PIK3C2A: variants seen among roughly 807,000 people sequenced by gnomAD.
The protein encoded by PIK3C2A is phosphatidylinositol-4-phosphate 3-kinase catalytic subunit type 2 alpha.
Under a neutral mutation model 204.5 loss-of-function variants are expected in PIK3C2A, and 97 were observed. The observed-to-expected ratio is 0.47, with a 90% CI of 0.40 to 0.56. PIK3C2A has a LOEUF of 0.56. Ranked by LOEUF, PIK3C2A falls within the 20% of genes least tolerant of loss-of-function variation. The pLI is 0.00. For synonymous variants in PIK3C2A, 653 were observed against 664.4 expected (o/e 0.98, Z 0.26); for missense variants, 1,735 against 1,969.2 (o/e 0.88, Z 2.25).
At chr11:17,103,508 T>C (rs1283255711) in intron 23 of PIK3C2A, among the ~76,000 whole-genome samples, 3 of 152,204 alleles carry the variant, frequency 2.0e-5, no homozygotes. Context: ...CTTGCCCATG[T>C]AGTTAATTTT....
chr11:17,126,136 CAAAAACAAAAAA>C (rs1849514015), intron 13 of PIK3C2A, among the ~76,000 whole-genome samples: 1 of 151,856 alleles, frequency 6.6e-6, no homozygotes, highest in Admixed American at 6.6e-5. Flanking sequence ...AAAACAAAAA[CAAAAACAAAAAA>C]AACTTTGCCA....
intron 1 of PIK3C2A, among the ~76,000 whole-genome samples, chr11:17,192,381 ACT>A (rs1851975546): frequency 6.6e-6 from 1 of 152,060 alleles, no homozygotes; most frequent in Non-Finnish European, 1.5e-5. Flanking sequence ...ATTTTATACA[ACT>A]CTTTTAACAT....
chr11:17,187,045 TC>T (rs1159690086), intron 1 of PIK3C2A, among the ~76,000 whole-genome samples: 1 of 152,038 alleles, frequency 6.6e-6, no homozygotes, highest in African/African-American at 2.4e-5. Context: ...GCAGATCCTG[TC>T]TCAAAAAAAA....
chr11:17,151,693 G>A (rs1850432171), intron 3 of PIK3C2A, among the ~76,000 whole-genome samples: 1 of 152,036 alleles, frequency 6.6e-6, no homozygotes, highest in Non-Finnish European at 1.5e-5. Flanking sequence ...TACCTGATAG[G>A]GTTGTTGTGA....
At position 17,150,627 on chromosome 11, in the gene PIK3C2A, G is replaced by T; in HGVS notation, c.1198C>A (p.His400Asn). ...KLKTKFPYTN[H>N]RTNPGYLLSP... ...AACAAATAGCCTGGGTTTGTGCGGTGATTGGTATATGGAAATTTGGTCTTC... is the reference window on the plus strand; with the variant it reads ...AACAAATAGCCTGGGTTTGTGCGGTTATTGGTATATGGAAATTTGGTCTTC... Residue 400 changes from histidine to asparagine, a missense_variant, in exon 4 of 33, where the codon CAC (histidine) becomes AAC (asparagine). Physicochemically the swap from His to Asn is moderately conservative, Grantham distance 68 (BLOSUM62 1). Around this residue, in one of 6 missense-constraint regions of PIK3C2A, gnomAD observed 536 missense variants for 546.7 expected, o/e 0.98. Coordinates refer to ENST00000691414, the MANE Select transcript of PIK3C2A (RefSeq NM_002645.4). The T allele has an allele frequency of 6.2e-7, 1 of 1,603,394 alleles. No individual in the cohort carries two copies. Among genetic ancestry groups the T allele is most frequent in the Non-Finnish European group, 8.5e-7 (1 of 1,176,032 alleles).
At chr11:17,135,677 A>ATGTGTGTG (rs35017690) in intron 9 of PIK3C2A, among the ~76,000 whole-genome samples, 27 of 147,392 alleles carry the variant, frequency 1.8e-4, no homozygotes, top group African/African-American at 6.6e-4. Flanking sequence ...AATTTCATAT[A>ATGTGTGTG]TGTGTGTGTG....
At chr11:17,102,232 C>T (rs1013295750) in intron 24 of PIK3C2A, among the ~76,000 whole-genome samples, 5 of 152,004 alleles carry the variant, frequency 3.3e-5, no homozygotes, top group East Asian at 1.9e-4. Flanking sequence ...GTCAGGAGAT[C>T]GAGACCATCC....
chr11:17,184,223 A>T (rs1256115823), intron 1 of PIK3C2A, among the ~76,000 whole-genome samples: 1 of 34,844 alleles, frequency 2.9e-5, no homozygotes, highest in African/African-American at 7.7e-5. Context: ...CTTCTACTTT[A>T]AAAAAAAAAA....
intron 27 of PIK3C2A, among the ~76,000 whole-genome samples, chr11:17,095,209 T>C (rs55881159): frequency 2.0e-5 from 3 of 151,972 alleles, no homozygotes; most frequent in Admixed American, 1.3e-4. Context: ...GTGAGCCAAA[T>C]GAGCCAACAC....
At chr11:17,181,340 C>A (rs1851544147) in intron 1 of PIK3C2A, among the ~76,000 whole-genome samples, 1 of 112,460 alleles carries the variant, frequency 8.9e-6, no homozygotes, top group African/African-American at 3.5e-5. Flanking sequence ...AGTCACCAAT[C>A]ATCTGATTTT....
intron 9 of PIK3C2A, 40 bp downstream of exon 9, chr11:17,136,442 A>G: frequency 3.4e-6 from 5 of 1,480,406 alleles, no homozygotes; most frequent in Non-Finnish European, 4.7e-6. Flanking sequence ...TTAAGTACAT[A>G]TTTGCATGTA....
At chr11:17,143,879 G>T (rs1450564729) in intron 8 of PIK3C2A, among the ~76,000 whole-genome samples, 3 of 152,148 alleles carry the variant, frequency 2.0e-5, no homozygotes, top group Admixed American at 6.5e-5. Flanking sequence ...AGAGATTACA[G>T]TGAACCAAGA....
chr11:17,146,253 C>T (rs546636731), intron 6 of PIK3C2A, among the ~76,000 whole-genome samples: 1 of 152,190 alleles, frequency 6.6e-6, no homozygotes, highest in African/African-American at 2.4e-5. Context: ...GCTAAAAACA[C>T]TAAAGATGGC....
chr11:17,119,027 C>T (rs540631740), intron 17 of PIK3C2A, among the ~76,000 whole-genome samples, 193 bp downstream of exon 17: 1 of 152,268 alleles, frequency 6.6e-6, no homozygotes, highest in African/African-American at 2.4e-5. Context: ...ATACAGGTGC[C>T]TATATACAAT....
chr11:17,139,749 C>A (rs543857973), intron 8 of PIK3C2A, among the ~76,000 whole-genome samples: 1 of 152,296 alleles, frequency 6.6e-6, no homozygotes, highest in Non-Finnish European at 1.5e-5. Context: ...CCTATTGAAA[C>A]CTTAACCACA....
rs1183407937 is a variant in PIK3C2A at position 17,201,532 on chromosome 11, AAAAAAAAAAAAGAAAAAAG to A, written c.-66+6297_-66+6315del. 2.4e-3 allele frequency among the ~76,000 whole-genome samples: 160 copies of A among 66,922 alleles called. 1 individual carries two copies. The highest frequency in any genetic ancestry group is 4.2e-3 in the South Asian group (8 of 1,916). The allele number at this position is 66,922 out of a possible 152,430, so 43.9% of individuals were successfully genotyped here. A position where few individuals can be genotyped will look rare whatever the true frequency, so the allele number is the denominator to read the frequency against. Reference sequence around the variant, plus strand: ...AAGAACGTGACTCCGTCTCAAAAAAAAAAAAAAAAAAGAAAAAAGAAAAAAAAAAAGAAAAGCTTTCCCT... The same window carrying A: ...AAGAACGTGACTCCGTCTCAAAAAAAAAAAAAAAAAAGAAAAGCTTTCCCT... On this transcript the variant is annotated intron_variant, in intron 1 of 32. Transcript: ENST00000691414.
At chr11:17,121,610 TC>T (rs1002212489) in intron 15 of PIK3C2A, among the ~76,000 whole-genome samples, 1 of 152,222 alleles carries the variant, frequency 6.6e-6, no homozygotes, top group Non-Finnish European at 1.5e-5. Flanking sequence ...ATAGTATAAT[TC>T]CCATTTTATG....
intron 2 of PIK3C2A, among the ~76,000 whole-genome samples, chr11:17,161,013 A>G (rs777068721): frequency 1.3e-5 from 2 of 152,198 alleles, no homozygotes; most frequent in Non-Finnish European, 2.9e-5. Flanking sequence ...CTCAATTTAA[A>G]AGAAAAAAAA....
intron 19 of PIK3C2A, among the ~76,000 whole-genome samples, chr11:17,116,761 T>C (rs1163106683): frequency 6.6e-6 from 1 of 152,056 alleles, no homozygotes; most frequent in Non-Finnish European, 1.5e-5. Flanking sequence ...GGCTAATTTT[T>C]TGTATTTTTA....
Sources: allele counts gnomAD v4.1 joint callset (sites outside exome capture counted in the v4.1 genomes callset), GRCh38; gene constraint gnomAD v4.1.1; regional missense constraint gnomAD v4.1.1; transcripts MANE v1.5; gene names NCBI Gene and HGNC (gene_info 2026-07-23, HGNC 2026-07-21).